The following GPC5 variants were observed in gnomAD, a reference collection of about 807,000 sequenced individuals.
The protein encoded by GPC5 is glypican-5.
GPC5 carries 47 observed loss-of-function variants against 53.9 expected under a neutral mutation model. The observed-to-expected ratio is 0.87, with a 90% confidence interval of 0.69 to 1.11. The LOEUF is 1.11. GPC5 is among the 50% of genes most tolerant of loss of function. GPC5 has a pLI of 0.00. For missense variants in GPC5, 748 were observed against 713.1 expected, an observed-to-expected ratio of 1.05 and a Z score of -0.56; for synonymous variants, 286 against 263.3, an observed-to-expected ratio of 1.09 and a Z score of -0.84.
intron 5 of GPC5, among the ~76,000 whole-genome samples, chr13:91,760,488 G>A (rs1018899031): frequency 6.6e-6 from 1 of 152,162 alleles, no homozygotes; most frequent in South Asian, 2.1e-4. Context: ...GGGGATGATA[G>A]AGTGTTTTCC....
intron 6 of GPC5, among the ~76,000 whole-genome samples, chr13:92,065,477 C>A (rs8002251): frequency 0.55 from 84,299 of 151,896 alleles, 23,696 homozygotes; most frequent in East Asian, 0.79. Flanking sequence ...TAATGAGTCC[C>A]TAAATTCCTA....
intron 1 of GPC5, among the ~76,000 whole-genome samples, chr13:91,432,673 TC>T (rs1204495362): frequency 6.6e-6 from 1 of 152,228 alleles, no homozygotes; most frequent in Non-Finnish European, 1.5e-5. Flanking sequence ...CTGATTTTTT[TC>T]ATTTTAATGA....
At chr13:91,845,253 A>T (rs1209138620) in intron 5 of GPC5, among the ~76,000 whole-genome samples, 1 of 152,098 alleles carries the variant, frequency 6.6e-6, no homozygotes, top group East Asian at 1.9e-4. Flanking sequence ...TTAGTGTCAC[A>T]TCTTGACACA....
intron 4 of GPC5, among the ~76,000 whole-genome samples, chr13:91,751,569 A>T (rs9523404): frequency 6.6e-6 from 1 of 151,992 alleles, no homozygotes; most frequent in Admixed American, 6.5e-5. Flanking sequence ...AAACCTCATT[A>T]GTTCTTAAAG....
intron 7 of GPC5, among the ~76,000 whole-genome samples, chr13:92,160,653 T>G (rs894595677): frequency 1.3e-5 from 2 of 152,166 alleles, no homozygotes; most frequent in African/African-American, 4.8e-5. Context: ...TTTGAAGCTC[T>G]GAGTGTCAGT....
intron 7 of GPC5, among the ~76,000 whole-genome samples, chr13:92,434,879 C>T (rs531980834): frequency 2.0e-5 from 3 of 152,090 alleles, no homozygotes; most frequent in African/African-American, 7.2e-5. Flanking sequence ...AGATACAATG[C>T]GTTTTGCTAT....
chr13:92,843,924 A>G (rs1462875474), intron 7 of GPC5, among the ~76,000 whole-genome samples: 1 of 151,588 alleles, frequency 6.6e-6, no homozygotes, highest in Non-Finnish European at 1.5e-5. Context: ...AGGACCTCAT[A>G]TGTCACGATT....
intron 6 of GPC5, among the ~76,000 whole-genome samples, chr13:92,113,779 G>A (rs1208241743): frequency 6.7e-6 from 1 of 150,368 alleles, no homozygotes; most frequent in Admixed American, 6.6e-5. Context: ...GGTTATTCTT[G>A]AGGAGACCAA....
In GPC5 at chr13:92,597,302, C is replaced by T. The variant is rs1229532743; in HGVS notation, c.1562-268980C>T. 2.7e-5 allele frequency among the ~76,000 whole-genome samples: 4 copies of T among 150,452 alleles called. No individual in the cohort carries two copies. The East Asian group carries it at 7.9e-4, about 30-fold the overall frequency. ...TAAAAAGGATGTAGAGAAAAGGAAA[C>T]ATTCCTAATGCTCATTTGGAGAAAC... On this transcript the variant is annotated intron_variant, in intron 7 of 7. Coordinates refer to ENST00000377067, the MANE Select transcript of GPC5 (RefSeq NM_004466.6).
intron 7 of GPC5, among the ~76,000 whole-genome samples, chr13:92,172,189 G>C (rs916201401): frequency 6.6e-6 from 1 of 152,180 alleles, no homozygotes; most frequent in Non-Finnish European, 1.5e-5. Flanking sequence ...GGATGAGAAG[G>C]AGAGTACTTG....
chr13:91,857,576 G>A (rs1391767659), intron 5 of GPC5, among the ~76,000 whole-genome samples: 3 of 149,634 alleles, frequency 2.0e-5, no homozygotes, highest in African/African-American at 7.4e-5. Context: ...AGATTTCTAT[G>A]GCTGTTTTTT....
chr13:92,699,603 G>T (rs1887664470), intron 7 of GPC5, among the ~76,000 whole-genome samples: 1 of 152,238 alleles, frequency 6.6e-6, no homozygotes, highest in African/African-American at 2.4e-5. Context: ...CTTTAAATGT[G>T]TCCCAAAGAT....
intron 7 of GPC5, among the ~76,000 whole-genome samples, chr13:92,834,278 T>C (rs1272612085): frequency 6.6e-6 from 1 of 152,168 alleles, no homozygotes; most frequent in Non-Finnish European, 1.5e-5. Flanking sequence ...CTTTCAATGG[T>C]AAGAAAAAAC....
At chr13:92,718,359 C>T (rs1356057842) in intron 7 of GPC5, among the ~76,000 whole-genome samples, 3 of 152,052 alleles carry the variant, frequency 2.0e-5, no homozygotes, top group African/African-American at 7.2e-5. Context: ...AAGTATAATA[C>T]CATTCAGCCA....
intron 2 of GPC5, among the ~76,000 whole-genome samples, chr13:91,547,809 C>T (rs184879358): frequency 3.3e-4 from 50 of 152,102 alleles, no homozygotes; most frequent in African/African-American, 1.2e-3. Context: ...AGGTATGCAC[C>T]GTTGGTTGAA....
At chr13:91,930,067 C>A (rs908578252) in intron 6 of GPC5, among the ~76,000 whole-genome samples, 1 of 151,864 alleles carries the variant, frequency 6.6e-6, no homozygotes, top group African/African-American at 2.4e-5. Context: ...TTTCAGGGCC[C>A]AGTAAGAAGT....
intron 7 of GPC5, among the ~76,000 whole-genome samples, chr13:92,394,644 A>C (rs1403627237): frequency 6.6e-6 from 1 of 152,216 alleles, no homozygotes; most frequent in East Asian, 1.9e-4. Flanking sequence ...AGCACAAACT[A>C]AGATACATAA....
intron 7 of GPC5, among the ~76,000 whole-genome samples, chr13:92,852,031 C>T (rs555143705): frequency 6.6e-6 from 1 of 152,168 alleles, no homozygotes; most frequent in Non-Finnish European, 1.5e-5. Context: ...ATTTATTCCT[C>T]GCTGGTCCCA....
chr13:92,072,643 G>A (rs1343814064), intron 6 of GPC5, among the ~76,000 whole-genome samples: 2 of 148,002 alleles, frequency 1.4e-5, no homozygotes, highest in African/African-American at 5.1e-5. Flanking sequence ...GCATGATCTC[G>A]GCTCATTTCA....
Sources: allele counts gnomAD v4.1 joint callset (sites outside exome capture counted in the v4.1 genomes callset), GRCh38; gene constraint gnomAD v4.1.1; transcripts MANE v1.5; gene names NCBI Gene and HGNC (gene_info 2026-07-23, HGNC 2026-07-21).